Variants in PCDHB5 observed in about 807,000 individuals in gnomAD.
PCDHB5 encodes the protein protocadherin beta-5.
For missense variants in PCDHB5, 1,125 were observed against 1,029.4 expected (o/e 1.09, Z -1.27); for synonymous variants, 569 against 462.2 (o/e 1.23, Z -2.96).
Position 141,136,479 on chromosome 5 carries a change from T to C in PCDHB5, c.1045T>C (p.Ser349Pro). The change falls in exon 1 of 1, where the codon TCT becomes CCT. Residue 349 changes from serine to proline, a missense_variant. Ser to Pro is a moderately conservative substitution (Grantham distance 74). Transcript: ENST00000231134. Reference sequence around the variant, plus strand: ...TGACAACGCCCCTGAACTCACCATGTCTACGCTCTCCAGCCCTACCCCAGA... The same window carrying C: ...TGACAACGCCCCTGAACTCACCATGCCTACGCTCTCCAGCCCTACCCCAGA... ...VNDNAPELTMSTLSSPTPENA... is the reference protein window; with the variant it reads ...VNDNAPELTMPTLSSPTPENA... 1.2e-6 allele frequency: 2 copies of C among 1,614,006 alleles called. No individual in the cohort carries two copies. Among genetic ancestry groups the C allele is most frequent in the Non-Finnish European group, 1.7e-6 (2 of 1,179,994 alleles).
In PCDHB5 at chr5:141,136,842, G is replaced by A; in HGVS notation, c.1408G>A (p.Gly470Ser). 4 of 1,613,008 alleles carry A rather than the reference G, an allele frequency of 2.5e-6. No individual in the cohort carries two copies. Among genetic ancestry groups the A allele is most frequent in the Non-Finnish European group, 3.4e-6 (4 of 1,180,018 alleles). The change falls in exon 1 of 1, where the codon GGC (glycine) becomes AGC (serine). Residue 470 changes from glycine to serine, a missense_variant. Physicochemically the swap from Gly to Ser is moderately conservative, Grantham distance 56. Transcript: ENST00000231134. The part of the protein sequence containing the change: ...RENNSPALHI[G>S]SVSATDRDSG... ...GAACAACAGCCCCGCCCTGCACATC[G>A]GCAGTGTCAGCGCCACAGACAGAGA...
Position 141,135,807 on chromosome 5 carries a change from G to A in PCDHB5, c.373G>A (p.Asp125Asn), listed in dbSNP as rs781835530. Residue 125 changes from aspartate (D) to asparagine (N), a missense_variant, in exon 1 of 1, where the codon GAT becomes AAT. By Grantham distance (23) the Asp-to-Asn change is conservative. Transcript: ENST00000231134. ...TTTTCAAACTGATCTGCAGCTCACA[G>A]ATATAAATGACCATGCCCCAGAGTT... ...QFFQTDLQLTDINDHAPEFPE... is the reference protein window; with the variant it reads ...QFFQTDLQLTNINDHAPEFPE... 1 of 1,614,050 alleles carries A rather than the reference G, an allele frequency of 6.2e-7. No individual in the cohort carries two copies.
chr5:141,136,678 A>T lies in PCDHB5; in HGVS notation c.1244A>T (p.Glu415Val). ...ACACTGGACAGAGAGAGCCAAGCCG[A>T]GTACAACATCACCATCACTGTCACC... Reference protein sequence around the residue: ...QRTLDRESQAEYNITITVTDM... With the variant: ...QRTLDRESQAVYNITITVTDM... The change falls in exon 1 of 1, where the codon GAG (glutamate) becomes GTG (valine). Residue 415 changes from glutamate to valine, a missense_variant. Physicochemically the swap from Glu to Val is moderately radical, Grantham distance 121. Transcript: ENST00000231134. 1 of 1,614,196 alleles carries T rather than the reference A, an allele frequency of 6.2e-7. No homozygotes were observed.
rs1195385389 is a variant in PCDHB5, at chr5:141,135,722, C to T, written c.288C>T (p.Cys96=). Residue 96 remains cysteine, a synonymous_variant, in exon 1 of 1, where the codon TGC becomes TGT. Transcript: ENST00000231134. The part of the protein sequence containing the change: ...LYEKLDREVM[C]GATEPCILHF... ...AAAAACTAGACCGGGAGGTGATGTG[C>T]GGGGCGACAGAACCCTGTATATTGC... The T allele has an allele frequency of 7.4e-6, 12 of 1,613,852 alleles. No homozygotes were observed. The highest frequency in any genetic ancestry group is 1.0e-5 in the Non-Finnish European group (12 of 1,179,976).
In PCDHB5 at chr5:141,136,390, T is replaced by C. The variant is rs782244440; in HGVS notation, c.956T>C (p.Val319Ala). ...EATPYYNVEI[V>A]ATDGGGLSGK... ...ACTCCATATTATAACGTGGAAATTGTAGCCACAGATGGTGGGGGCCTTTCA... is the reference window on the plus strand; with the variant it reads ...ACTCCATATTATAACGTGGAAATTGCAGCCACAGATGGTGGGGGCCTTTCA... Residue 319 changes from valine (V) to alanine (A), a missense_variant, in exon 1 of 1, where the codon GTA becomes GCA. Transcript: ENST00000231134. 13 of 1,614,044 alleles carry C rather than the reference T, an allele frequency of 8.1e-6. No individual in the cohort carries two copies. The East Asian group carries it at 2.0e-4, about 25-fold the overall frequency.
At position 141,136,919 on chromosome 5, in the gene PCDHB5, A is replaced by C; in HGVS notation, c.1485A>C (p.Pro495=). ...ACTCGCTGCTGCCGCCCCAGAACCC[A>C]CACCTGCGCCTCGCCTCCCTGGTCT... ...VTYSLLPPQN[P]HLRLASLVSI... Residue 495 remains proline, a synonymous_variant, in exon 1 of 1, where the codon CCA becomes CCC. Transcript: ENST00000231134. 1 of 1,612,380 alleles carries C rather than the reference A, an allele frequency of 6.2e-7. No homozygotes were observed. The highest frequency in any genetic ancestry group is 8.5e-7 in the Non-Finnish European group (1 of 1,179,936).
chr5:141,137,892 T>G lies in PCDHB5; in HGVS notation c.*70T>G. On this transcript the variant is annotated 3_prime_UTR_variant, in exon 1 of 1. Coordinates refer to ENST00000231134, the MANE Select transcript of PCDHB5 (RefSeq NM_015669.5). Reference sequence around the variant, plus strand: ...TTTTCAGATCTAGAATTCGAGAGTGTCATGGACAAAAATTTCACCTTGAGA... The same window carrying G: ...TTTTCAGATCTAGAATTCGAGAGTGGCATGGACAAAAATTTCACCTTGAGA... 7.1e-7 allele frequency: 1 copy of G among 1,403,904 alleles called. No individual in the cohort carries two copies. Among genetic ancestry groups the G allele is most frequent in the Admixed American group, 2.3e-5 (1 of 43,854 alleles). The allele number at this position is 1,403,904 out of a possible 1,614,324, so 87.0% of individuals were successfully genotyped here. A position where few individuals can be genotyped will look rare whatever the true frequency, so the allele number is the denominator to read the frequency against.
At position 141,137,115 on chromosome 5, in the gene PCDHB5, C is replaced by T. The variant is rs782650585; in HGVS notation, c.1681C>T (p.Leu561=). The change falls in exon 1 of 1, where the codon CTG becomes TTG. Residue 561 remains leucine, a synonymous_variant. Coordinates refer to ENST00000231134, the MANE Select transcript of PCDHB5 (RefSeq NM_015669.5). The part of the protein sequence containing the change: ...LDANDNSPFV[L]YPLQNGSAPC... Reference sequence around the variant, plus strand: ...CGCCAACGACAACTCGCCCTTCGTGCTGTATCCGCTGCAGAACGGCTCGGC... The same window carrying T: ...CGCCAACGACAACTCGCCCTTCGTGTTGTATCCGCTGCAGAACGGCTCGGC... 3.1e-6 allele frequency: 5 copies of T among 1,611,602 alleles called. No homozygotes were observed. Among genetic ancestry groups the T allele is most frequent in the Admixed American group, 1.7e-5 (1 of 59,998 alleles).
Position 141,136,194 on chromosome 5 carries a change from A to G in PCDHB5, c.760A>G (p.Asn254Asp), listed in dbSNP as rs1554275839. Residue 254 changes from asparagine (N) to aspartate (D), a missense_variant, in exon 1 of 1, where the codon AAC becomes GAC. Coordinates refer to ENST00000231134, the MANE Select transcript of PCDHB5 (RefSeq NM_015669.5). ...ATTCTATGAGGTACAGGTGCCCGAGAACAGCCCCCTTAACTCCTTAGTTGT... is the reference window on the plus strand; with the variant it reads ...ATTCTATGAGGTACAGGTGCCCGAGGACAGCCCCCTTAACTCCTTAGTTGT... ...QSFYEVQVPE[N>D]SPLNSLVVVV... The G allele has an allele frequency of 4.3e-6, 7 of 1,614,014 alleles. No individual in the cohort carries two copies. The highest frequency in any genetic ancestry group is 5.1e-6 in the Non-Finnish European group (6 of 1,180,034).
chr5:141,137,459 G>A lies in PCDHB5; in HGVS notation c.2025G>A (p.Ala675=). The A allele has an allele frequency of 6.2e-7, 1 of 1,612,474 alleles. No individual in the cohort carries two copies. Among genetic ancestry groups the A allele is most frequent in the Non-Finnish European group, 8.5e-7 (1 of 1,179,676 alleles). Residue 675 remains alanine (A), a synonymous_variant, in exon 1 of 1, where the codon GCG becomes GCA. Transcript: ENST00000231134. ...AGCCCTACCTGCCGCTGCCGGAGGC[G>A]GCCCCGGCCCAGGCCCAGGCCGACT... The part of the protein sequence containing the change: ...FSQPYLPLPE[A]APAQAQADSL...
rs2149634726 is a variant in PCDHB5 at position 141,138,044 on chromosome 5, G to A, written c.*222G>A. The A allele has an allele frequency of 2.1e-6, 1 of 481,792 alleles. No individual in the cohort carries two copies. Among genetic ancestry groups the A allele is most frequent in the Non-Finnish European group, 3.7e-6 (1 of 271,116 alleles). 29.8% of individuals were successfully genotyped at this position (481,792 alleles called of 1,614,324 possible). On this transcript the variant is annotated 3_prime_UTR_variant, in exon 1 of 1. Transcript: ENST00000231134. ...TCATTCCAAATCCATGCATGCTGTT[G>A]ATTTTCCTGAGATTTTTTTCTCTTC...
In PCDHB5 at chr5:141,137,978, T is replaced by C. The variant is rs1365138666; in HGVS notation, c.*156T>C. On this transcript the variant is annotated 3_prime_UTR_variant, in exon 1 of 1. Coordinates refer to ENST00000231134, the MANE Select transcript of PCDHB5 (RefSeq NM_015669.5). ...GTTGAACTTCATGCTGTCCAAGTGTTGAAAAGTCAATTTTATTTCATTGCA... is the reference window on the plus strand; with the variant it reads ...GTTGAACTTCATGCTGTCCAAGTGTCGAAAAGTCAATTTTATTTCATTGCA... The C allele has an allele frequency of 1.5e-5, 10 of 687,472 alleles. No individual in the cohort carries two copies. The highest frequency in any genetic ancestry group is 2.4e-5 in the Non-Finnish European group (10 of 415,674). The allele number at this position is 687,472 out of a possible 1,614,324, so 42.6% of individuals were successfully genotyped here.
chr5:141,136,077 C>A lies in PCDHB5; in HGVS notation c.643C>A (p.Leu215Met). The A allele has an allele frequency of 1.2e-6, 2 of 1,614,212 alleles. No individual in the cohort carries two copies. The change falls in exon 1 of 1, where the codon CTG becomes ATG. Residue 215 changes from leucine (L) to methionine (M), a missense_variant. Leu to Met is a conservative substitution (Grantham distance 15). Transcript: ENST00000231134. ...RPELSLTLTA[L>M]DGGAPPRSGT... ...TGAGCTCAGCTTAACACTCACTGCA[C>A]TGGACGGTGGGGCTCCGCCCAGGTC...
In PCDHB5 at chr5:141,138,129, A is replaced by G. The variant is rs1554276360; in HGVS notation, c.*307A>G. On this transcript the variant is annotated 3_prime_UTR_variant, in exon 1 of 1. Transcript: ENST00000231134. ...AAATCAAGTATTAATTTTATTTTCT[A>G]TATATTCTGCCCATTCTATTTCATC... The G allele has an allele frequency of 3.6e-6, 1 of 276,868 alleles. No homozygotes were observed. Among genetic ancestry groups the G allele is most frequent in the Non-Finnish European group, 7.1e-6 (1 of 141,312 alleles). The allele number at this position is 276,868 out of a possible 1,614,324, so 17.2% of individuals were successfully genotyped here.
In PCDHB5 at chr5:141,136,892, C is replaced by T. The variant is rs112955864; in HGVS notation, c.1458C>T (p.Thr486=). Residue 486 remains threonine, a synonymous_variant, in exon 1 of 1, where the codon ACC becomes ACT. Coordinates refer to ENST00000231134, the MANE Select transcript of PCDHB5 (RefSeq NM_015669.5). ...ACTCAGGCACCAACGCCCAGGTCAC[C>T]TACTCGCTGCTGCCGCCCCAGAACC... The part of the protein sequence containing the change: ...DRDSGTNAQV[T]YSLLPPQNPH... 6.2e-7 allele frequency: 1 copy of T among 1,612,622 alleles called. No individual in the cohort carries two copies. The highest frequency in any genetic ancestry group is 8.5e-7 in the Non-Finnish European group (1 of 1,180,048).
chr5:141,137,050 C>A lies in PCDHB5; in HGVS notation c.1616C>A (p.Ala539Glu). ...GGAGCCACAGACCGCGGCTCCCCGG[C>A]GCTGAGCAGCGAGGCGCTGGTGCGC... ...RVGATDRGSP[A>E]LSSEALVRVL... The change falls in exon 1 of 1, where the codon GCG becomes GAG. Residue 539 changes from alanine to glutamate, a missense_variant. By Grantham distance (107) the Ala-to-Glu change is moderately radical (BLOSUM62 -1). Transcript: ENST00000231134. 1 of 1,611,768 alleles carries A rather than the reference C, an allele frequency of 6.2e-7. No individual in the cohort carries two copies. Among genetic ancestry groups the A allele is most frequent in the Non-Finnish European group, 8.5e-7 (1 of 1,179,710 alleles).
At position 141,137,273 on chromosome 5, in the gene PCDHB5, G is replaced by T. The variant is rs548355082; in HGVS notation, c.1839G>T (p.Leu613=). The part of the protein sequence containing the change: ...YQLLKATEPG[L]FSMWAHNGEV... ...TGCTCAAGGCCACGGAGCCCGGGCTGTTCAGCATGTGGGCGCACAATGGCG... is the reference window on the plus strand; with the variant it reads ...TGCTCAAGGCCACGGAGCCCGGGCTTTTCAGCATGTGGGCGCACAATGGCG... Residue 613 remains leucine, a synonymous_variant, in exon 1 of 1, where the codon CTG becomes CTT. Coordinates refer to ENST00000231134, the MANE Select transcript of PCDHB5 (RefSeq NM_015669.5). 168 of 1,610,746 alleles carry T rather than the reference G, an allele frequency of 1.0e-4. 3 individuals are homozygous for T. In the South Asian group the frequency reaches 1.7e-3, roughly 16 times the overall value.
rs150324444 is a variant in PCDHB5, at chr5:141,137,008, C to A, written c.1574C>A (p.Ala525Glu). Residue 525 changes from alanine (A) to glutamate (E), a missense_variant, in exon 1 of 1, where the codon GCG (alanine) becomes GAG (glutamate). Ala to Glu is a moderately radical substitution (Grantham distance 107, BLOSUM62 -1). Transcript: ENST00000231134. ...TCGCTGGACTACGAGGCCCTGCAGG[C>A]GTTCGAGTTCCGCGTGGGAGCCACA... ...LRSLDYEALQ[A>E]FEFRVGATDR... 36 of 1,612,062 alleles carry A rather than the reference C, an allele frequency of 2.2e-5. No homozygotes were observed. Among genetic ancestry groups the A allele is most frequent in the African/African-American group, 1.9e-4 (14 of 74,876 alleles).
Position 141,136,838 on chromosome 5 carries a change from C to G in PCDHB5, c.1404C>G (p.His468Gln). ...GAGAGAACAACAGCCCCGCCCTGCA[C>G]ATCGGCAGTGTCAGCGCCACAGACA... ...FVRENNSPAL[H>Q]IGSVSATDRD... The change falls in exon 1 of 1, where the codon CAC (histidine) becomes CAG (glutamine). Residue 468 changes from histidine (H) to glutamine (Q), a missense_variant. By Grantham distance (24) the His-to-Gln change is conservative. Transcript: ENST00000231134. 6.2e-7 allele frequency: 1 copy of G among 1,613,268 alleles called. No homozygotes were observed. The highest frequency in any genetic ancestry group is 1.7e-5 in the Admixed American group (1 of 60,032).
Sources: gnomAD v4.1 joint callset for allele counts on GRCh38, gnomAD v4.1.1 for gene constraint, MANE v1.5 for transcripts, NCBI Gene and HGNC (gene_info 2026-07-23, HGNC 2026-07-21) for gene names.